The following CPED1 variants were observed in gnomAD, a reference collection of about 807,000 sequenced individuals.
The protein encoded by CPED1 is cadherin like and PC-esterase domain containing 1, also known as cadherin-like and PC-esterase domain-containing protein 1.
Under a neutral mutation model 128.2 loss-of-function variants are expected in CPED1, and 114 were observed. The observed-to-expected ratio is 0.89, with a 90% CI of 0.76 to 1.04. The LOEUF is 1.04. Ranked by LOEUF, CPED1 falls within the 50% of genes least tolerant of loss-of-function variation. CPED1 has a pLI of 0.00. For synonymous variants in CPED1, 462 were observed against 426.7 expected, an observed-to-expected ratio of 1.08 and a Z score of -1.02; for missense variants, 1,211 against 1,207.1, an observed-to-expected ratio of 1.00 and a Z score of -0.05.
At chr7:121,045,698 C>T (rs923688960) in intron 3 of CPED1, among the ~76,000 whole-genome samples, 6 of 152,110 alleles carry the variant, frequency 3.9e-5, no homozygotes, top group African/African-American at 1.4e-4. Context: ...GAATATTTAT[C>T]TCAGGACTGA....
At chr7:121,264,671 C>T (rs1023875451) in intron 18 of CPED1, among the ~76,000 whole-genome samples, 1 of 151,920 alleles carries the variant, frequency 6.6e-6, no homozygotes, top group East Asian at 1.9e-4. Flanking sequence ...TACAGAAGTA[C>T]CTAAGCAATG....
intron 11 of CPED1, among the ~76,000 whole-genome samples, chr7:121,129,079 G>A (rs6466770): frequency 0.99 from 149,596 of 151,558 alleles, 73,862 homozygotes; most frequent in East Asian, 1. Flanking sequence ...AATTTATTGA[G>A]TGTGAAATGC....
chr7:121,273,506 C>G (rs912539041), intron 22 of CPED1, among the ~76,000 whole-genome samples: 6 of 151,256 alleles, frequency 4.0e-5, no homozygotes, highest in Admixed American at 6.6e-5. Flanking sequence ...CTGGGTGACA[C>G]AGCAAGACTC....
At chr7:121,025,870 A>G (rs1266984173) in intron 3 of CPED1, among the ~76,000 whole-genome samples, 1 of 152,160 alleles carries the variant, frequency 6.6e-6, no homozygotes, top group African/African-American at 2.4e-5. Flanking sequence ...TGGAGAGTCA[A>G]GATTGTCCAG....
At chr7:121,035,592 G>A (rs1399037190) in intron 3 of CPED1, among the ~76,000 whole-genome samples, 1 of 152,032 alleles carries the variant, frequency 6.6e-6, no homozygotes, top group Non-Finnish European at 1.5e-5. Flanking sequence ...CTAGCACTTC[G>A]GGAGGCAGAG....
At chr7:121,012,975 C>G (rs375798707) in intron 2 of CPED1, among the ~76,000 whole-genome samples, 4 of 152,210 alleles carry the variant, frequency 2.6e-5, no homozygotes, top group South Asian at 4.2e-4. Flanking sequence ...TTAAAATATC[C>G]CTTCCTTGTG....
chr7:121,118,916 G>T (rs139151327), intron 7 of CPED1, among the ~76,000 whole-genome samples: 1 of 152,040 alleles, frequency 6.6e-6, no homozygotes. Context: ...CGAGGGATCC[G>T]CCCCCATGAC....
chr7:121,225,197 T>C (rs971482251), intron 16 of CPED1, among the ~76,000 whole-genome samples: 4 of 152,148 alleles, frequency 2.6e-5, no homozygotes, highest in African/African-American at 9.7e-5. Flanking sequence ...AGCATTTGCT[T>C]GTCTGTAAAG....
intron 5 of CPED1, among the ~76,000 whole-genome samples, chr7:121,065,504 C>T (rs1383958174): frequency 6.6e-6 from 1 of 151,948 alleles, no homozygotes; most frequent in Non-Finnish European, 1.5e-5. Context: ...TACTTTTGAC[C>T]AGAACCTACA....
chr7:121,175,990 C>G (rs909171733), intron 16 of CPED1, among the ~76,000 whole-genome samples: 8 of 151,910 alleles, frequency 5.3e-5, no homozygotes, highest in Admixed American at 1.3e-4. Flanking sequence ...AGCAAATTAA[C>G]TTGAGGTGAG....
At chr7:121,029,450 A>T (rs1282564932) in intron 3 of CPED1, among the ~76,000 whole-genome samples, 2 of 152,178 alleles carry the variant, frequency 1.3e-5, no homozygotes, top group African/African-American at 4.8e-5. Flanking sequence ...GTAGTATAAA[A>T]CTGATGAACT....
chr7:121,018,812 T>C (rs1226116508), intron 3 of CPED1, among the ~76,000 whole-genome samples: 1 of 152,086 alleles, frequency 6.6e-6, no homozygotes. Context: ...TGAATACATA[T>C]TGCACTTTCA....
At chr7:121,249,223 G>C (rs1423795063) in intron 18 of CPED1, among the ~76,000 whole-genome samples, 1 of 152,204 alleles carries the variant, frequency 6.6e-6, no homozygotes, top group East Asian at 1.9e-4. Context: ...TGAGAGGGGA[G>C]AGATAATAGA....
intron 9 of CPED1, among the ~76,000 whole-genome samples, chr7:121,126,490 TA>T (rs1245374191): frequency 6.6e-6 from 1 of 152,110 alleles, no homozygotes; most frequent in African/African-American, 2.4e-5. Flanking sequence ...AATAATTTAT[TA>T]AATTAGTCTA....
rs1352708504 is a variant in CPED1 at position 121,097,869 on chromosome 7, A to G, written c.749+38A>G. ...TTTTGAATTGTTATAACCAGCATGC[A>G]TTGTAGGAGACAGCTAACAAGAGAA... On this transcript the variant is annotated intron_variant, in intron 6 of 22. Coordinates refer to ENST00000310396, the MANE Select transcript of CPED1 (RefSeq NM_024913.5). The G allele has an allele frequency of 3.7e-6, 6 of 1,608,842 alleles. No individual in the cohort carries two copies. The East Asian group carries it at 8.9e-5, about 24-fold the overall frequency.
chr7:121,172,562 T>C (rs188541716), intron 16 of CPED1, among the ~76,000 whole-genome samples: 2 of 152,244 alleles, frequency 1.3e-5, no homozygotes, highest in East Asian at 3.9e-4. Context: ...TTTTGATTTA[T>C]GTGTCTGCCC....
chr7:121,006,581 C>T (rs1041961980), intron 2 of CPED1, among the ~76,000 whole-genome samples: 1 of 151,336 alleles, frequency 6.6e-6, no homozygotes, highest in Non-Finnish European at 1.5e-5. Flanking sequence ...TTCATTGGCT[C>T]CAAAATAGGG....
chr7:121,253,364 A>G (rs566737086), intron 18 of CPED1, among the ~76,000 whole-genome samples: 1 of 151,368 alleles, frequency 6.6e-6, no homozygotes, highest in Admixed American at 6.6e-5. Flanking sequence ...CTAATTCTAA[A>G]TGACGAGTTA....
intron 2 of CPED1, among the ~76,000 whole-genome samples, chr7:120,998,461 C>T (rs183413792): frequency 1.2e-4 from 18 of 152,236 alleles, no homozygotes; most frequent in Admixed American, 1.1e-3. Flanking sequence ...TCACATGAAG[C>T]ACTTAAAGTG....
Sources: gnomAD v4.1 joint callset for allele counts (sites outside exome capture counted in the v4.1 genomes callset) on GRCh38, gnomAD v4.1.1 for gene constraint, MANE v1.5 for transcripts, NCBI Gene and HGNC (gene_info 2026-07-23, HGNC 2026-07-21) for gene names.